Variants in DSCAM observed in about 807,000 individuals in gnomAD.
The protein encoded by DSCAM is DS cell adhesion molecule, also known as cell adhesion molecule DSCAM.
A neutral mutation model predicts 217.7 loss-of-function variants in DSCAM; 47 were observed. The observed-to-expected ratio is 0.22, with a 90% CI of 0.17 to 0.28. The LOEUF (loss-of-function observed/expected upper bound fraction) is 0.28, where lower values mean the gene tolerates loss of function less well. Among genes scored for constraint, DSCAM ranks in the 10% least tolerant of loss-of-function variants. DSCAM has a pLI of 1.00. For missense variants in DSCAM, 2,080 were observed against 2,618.3 expected, an observed-to-expected ratio of 0.79 and a Z score of 4.49; for synonymous variants, 1,056 against 1,015.3, an observed-to-expected ratio of 1.04 and a Z score of -0.76.
At chr21:40,249,073 T>C (rs2044375383) in intron 11 of DSCAM, among the ~76,000 whole-genome samples, 1 of 152,186 alleles carries the variant, frequency 6.6e-6, no homozygotes, top group Admixed American at 6.5e-5. Flanking sequence ...CACATGGAAA[T>C]TCTAGGAGAT....
chr21:40,028,257 C>A (rs1365359375), intron 32 of DSCAM, among the ~76,000 whole-genome samples: 1 of 111,738 alleles, frequency 8.9e-6, no homozygotes, highest in Non-Finnish European at 1.8e-5. Flanking sequence ...GACCACTGCT[C>A]TCTTCAAAGC....
At chr21:40,277,828 C>G (rs543080173) in intron 10 of DSCAM, among the ~76,000 whole-genome samples, 1 of 144,112 alleles carries the variant, frequency 6.9e-6, no homozygotes, top group Non-Finnish European at 1.5e-5. Context: ...GAGATCACGG[C>G]GCTGCACTCC....
At chr21:40,347,582 C>G (rs1035198919) in intron 6 of DSCAM, 88 bp downstream of exon 6, 3 of 1,555,226 alleles carry the variant, frequency 1.9e-6, no homozygotes, top group Non-Finnish European at 2.6e-6. Context: ...ACTGAGCGAT[C>G]AGCACTGCTT....
chr21:40,244,381 AAGG>A (rs1194358928), intron 11 of DSCAM, among the ~76,000 whole-genome samples: 1 of 151,588 alleles, frequency 6.6e-6, no homozygotes, highest in Non-Finnish European at 1.5e-5. Context: ...AACCCAGGAG[AAGG>A]AGGTTTCAGT....
intron 9 of DSCAM, among the ~76,000 whole-genome samples, chr21:40,305,349 C>T (rs1343137468): frequency 2.2e-5 from 3 of 138,166 alleles, no homozygotes; most frequent in Non-Finnish European, 4.5e-5. Flanking sequence ...GAGATTGGCC[C>T]ATTGTACTGC....
intron 1 of DSCAM, among the ~76,000 whole-genome samples, chr21:40,736,624 C>A (rs576355684): frequency 2.9e-4 from 44 of 152,288 alleles, no homozygotes; most frequent in African/African-American, 1.0e-3. Context: ...GGGCCTCCAA[C>A]CACCTCATTA....
intron 19 of DSCAM, among the ~76,000 whole-genome samples, chr21:40,127,281 G>A (rs1480270606): frequency 6.6e-6 from 1 of 152,168 alleles, no homozygotes; most frequent in Non-Finnish European, 1.5e-5. Context: ...TTGTGACTCA[G>A]TGGTGAATGA....
At chr21:40,557,886 T>C (rs925531995) in intron 3 of DSCAM, among the ~76,000 whole-genome samples, 2 of 152,170 alleles carry the variant, frequency 1.3e-5, no homozygotes, top group African/African-American at 2.4e-5. Flanking sequence ...CACTAGACCA[T>C]ACCAAGAAAG....
chr21:40,773,438 C>G (rs2091463262), intron 1 of DSCAM, among the ~76,000 whole-genome samples: 1 of 152,186 alleles, frequency 6.6e-6, no homozygotes, highest in South Asian at 2.1e-4. Context: ...AAATTTCCAT[C>G]TCCTCTCTCT....
intron 1 of DSCAM, among the ~76,000 whole-genome samples, chr21:40,710,776 T>G (rs1020512471): frequency 2.0e-5 from 3 of 152,368 alleles, no homozygotes; most frequent in Admixed American, 2.0e-4. Flanking sequence ...GTCACACATC[T>G]GAGCTTCTCC....
chr21:40,053,275 T>C (rs2088961964), intron 29 of DSCAM, among the ~76,000 whole-genome samples: 1 of 152,240 alleles, frequency 6.6e-6, no homozygotes, highest in African/African-American at 2.4e-5. Context: ...TCCCAGCGCA[T>C]GGTGCGGTGA....
chr21:40,347,071 C>T (rs554245423), intron 6 of DSCAM, among the ~76,000 whole-genome samples: 2 of 152,148 alleles, frequency 1.3e-5, no homozygotes, highest in African/African-American at 2.4e-5. Context: ...GGGGCCGAGG[C>T]GGGCAGATCA....
chr21:40,718,092 C>T (rs2090861581), intron 1 of DSCAM, among the ~76,000 whole-genome samples: 2 of 152,092 alleles, frequency 1.3e-5, no homozygotes, highest in African/African-American at 4.8e-5. Flanking sequence ...TAAAAAAAGT[C>T]AATAGGAGGC....
At chr21:40,537,850 C>G (rs1436321473) in intron 3 of DSCAM, among the ~76,000 whole-genome samples, 1 of 152,200 alleles carries the variant, frequency 6.6e-6, no homozygotes, top group African/African-American at 2.4e-5. Context: ...ATTTCTGTCA[C>G]TGGCTGTACT....
At chr21:40,718,654 T>C (rs2090869294) in intron 1 of DSCAM, among the ~76,000 whole-genome samples, 1 of 152,034 alleles carries the variant, frequency 6.6e-6, no homozygotes. Flanking sequence ...AAGATGAGAT[T>C]TGGGTGAGGG....
intron 3 of DSCAM, among the ~76,000 whole-genome samples, chr21:40,463,864 T>C (rs1225964640): frequency 6.6e-6 from 1 of 152,212 alleles, no homozygotes; most frequent in Admixed American, 6.5e-5. Flanking sequence ...TACCTCATAC[T>C]TCACTAGAAA....
At chr21:40,551,134 C>T (rs9984635) in intron 3 of DSCAM, among the ~76,000 whole-genome samples, 85,918 of 152,034 alleles carry the variant, frequency 0.57, 24,624 homozygotes, top group South Asian at 0.62. Context: ...TGAGGCATAG[C>T]CTCAAGAAGT....
intron 1 of DSCAM, among the ~76,000 whole-genome samples, chr21:40,750,747 T>C (rs997308200): frequency 6.6e-6 from 1 of 152,094 alleles, no homozygotes; most frequent in African/African-American, 2.4e-5. Flanking sequence ...CGATGAGCAG[T>C]CCCTCTGCCA....
At chr21:40,361,822 T>C (rs971157875) in intron 4 of DSCAM, among the ~76,000 whole-genome samples, 1 of 152,222 alleles carries the variant, frequency 6.6e-6, no homozygotes, top group Non-Finnish European at 1.5e-5. Context: ...TTTAAACAAT[T>C]GAATTAATTA....
Sources: gnomAD v4.1 joint callset for allele counts (sites outside exome capture counted in the v4.1 genomes callset) on GRCh38, gnomAD v4.1.1 for gene constraint, MANE v1.5 for transcripts, NCBI Gene and HGNC (gene_info 2026-07-23, HGNC 2026-07-21) for gene names.